GNG4: variants seen among roughly 807,000 people sequenced by gnomAD.
GNG4 encodes guanine nucleotide-binding protein G(I)/G(S)/G(O) subunit gamma-4.
A neutral mutation model predicts 5.8 loss-of-function variants in GNG4; 4 were observed. That is an observed-to-expected ratio of 0.69 (90% CI 0.34 to 1.57). The LOEUF is 1.57. Ranked by LOEUF, GNG4 falls within the 40% of genes most tolerant of loss-of-function variation. The pLI, the probability that GNG4 is intolerant of heterozygous loss-of-function variation, is 0.06. For synonymous variants in GNG4, 29 were observed against 32.9 expected, an observed-to-expected ratio of 0.88 and a Z score of 0.41; for missense variants, 96 against 95.1, an observed-to-expected ratio of 1.01 and a Z score of -0.04.
chr1:235,641,968 T>C (rs1439578122), intron 1 of GNG4, among the ~76,000 whole-genome samples: 3 of 152,252 alleles, frequency 2.0e-5, no homozygotes, highest in Non-Finnish European at 4.4e-5. Flanking sequence ...CTTCTTATCA[T>C]TGGTCTGATT....
At chr1:235,554,108 G>A (rs1686831055) in intron 3 of GNG4, among the ~76,000 whole-genome samples, 2 of 152,166 alleles carry the variant, frequency 1.3e-5, no homozygotes, top group South Asian at 4.1e-4. Flanking sequence ...ACAGGCTTAA[G>A]GAAATGGACT....
chr1:235,617,856 C>T (rs1224725454), intron 1 of GNG4, among the ~76,000 whole-genome samples: 1 of 150,184 alleles, frequency 6.7e-6, no homozygotes, highest in Admixed American at 6.7e-5. Context: ...CCGCACTCCA[C>T]CCTGGGCGAC....
At chr1:235,602,488 T>C (rs1688277252) in intron 1 of GNG4, among the ~76,000 whole-genome samples, 1 of 152,128 alleles carries the variant, frequency 6.6e-6, no homozygotes, top group African/African-American at 2.4e-5. Flanking sequence ...TGAAATACAT[T>C]TCCACACTCT....
Position 235,644,575 on chromosome 1 carries a change from A to C in GNG4, c.-123+5087T>G, listed in dbSNP as rs1657449848. ...CCCTAGTACCCTGCCATGCAGCCCC[A>C]CAGCTGCCGGGGGGATAAACAAGCA... On this transcript the variant is annotated intron_variant, in intron 1 of 3. Coordinates refer to ENST00000391854, the MANE Select transcript of GNG4 (RefSeq NM_001098722.2). The surrounding 1 kb of genome is among the most constrained non-coding windows in gnomAD (Gnocchi z 5.9). Among the ~76,000 whole-genome samples the C allele has an allele frequency of 6.6e-6, 1 of 152,178 alleles. No individual in the cohort carries two copies. The highest frequency in any genetic ancestry group is 1.5e-5 in the Non-Finnish European group (1 of 68,024).
intron 2 of GNG4, among the ~76,000 whole-genome samples, chr1:235,593,577 C>T (rs10926174): frequency 0.36 from 55,435 of 152,076 alleles, 10,994 homozygotes; most frequent in East Asian, 0.79. Flanking sequence ...GCTGCGGACC[C>T]GCGCCGTGAG....
At chr1:235,589,868 T>C (rs2102950067) in intron 2 of GNG4, among the ~76,000 whole-genome samples, 1 of 152,268 alleles carries the variant, frequency 6.6e-6, no homozygotes, top group South Asian at 2.1e-4. Context: ...TTCCTGATCC[T>C]TGAAATGAGA....
chr1:235,608,688 T>G (rs1688414137), intron 1 of GNG4, among the ~76,000 whole-genome samples: 1 of 51,142 alleles, frequency 2.0e-5, no homozygotes, highest in South Asian at 4.9e-4. Flanking sequence ...TTATTTTTTA[T>G]TTTTTTTTTT....
intron 1 of GNG4, among the ~76,000 whole-genome samples, chr1:235,618,376 C>G (rs1221933551): frequency 1.3e-5 from 2 of 152,204 alleles, no homozygotes; most frequent in African/African-American, 2.4e-5. Context: ...GACGGATATA[C>G]TTGTCTGTAA....
At chr1:235,573,846 T>C (rs185301288) in intron 3 of GNG4, among the ~76,000 whole-genome samples, 1 of 152,246 alleles carries the variant, frequency 6.6e-6, no homozygotes, top group East Asian at 1.9e-4. Flanking sequence ...AGGAGACTGG[T>C]TAATTATTGT....
Position 235,550,379 on chromosome 1 carries a change from G to A in GNG4, c.*1730C>T, listed in dbSNP as rs1686710884. On this transcript the variant is annotated 3_prime_UTR_variant, in exon 4 of 4. Coordinates refer to ENST00000391854, the MANE Select transcript of GNG4 (RefSeq NM_001098722.2). ...ACCTGCAAACAGGTAGACCTGGAAG[G>A]TAGCACAGTTCAGGGGGCTAAGGGA... The A allele has an allele frequency of 1.3e-5, 2 of 152,310 alleles. No individual in the cohort carries two copies. Among genetic ancestry groups the A allele is most frequent in the Non-Finnish European group, 2.9e-5 (2 of 68,090 alleles). 9.4% of individuals were successfully genotyped at this position (152,310 alleles called of 1,614,324 possible).
chr1:235,574,815 A>G (rs760028515), intron 3 of GNG4, among the ~76,000 whole-genome samples: 1 of 151,922 alleles, frequency 6.6e-6, no homozygotes, highest in East Asian at 1.9e-4. Context: ...ATCTGTCACG[A>G]CACAATCCTT....
intron 1 of GNG4, among the ~76,000 whole-genome samples, chr1:235,625,299 G>A (rs1028564163): frequency 6.6e-6 from 1 of 152,146 alleles, no homozygotes; most frequent in Non-Finnish European, 1.5e-5. Context: ...GCAGTTTTAG[G>A]TTCATAGCAA....
At chr1:235,576,435 T>A (rs568598288) in intron 3 of GNG4, among the ~76,000 whole-genome samples, 3 of 152,332 alleles carry the variant, frequency 2.0e-5, no homozygotes, top group East Asian at 3.9e-4. Flanking sequence ...AAGGCTATGA[T>A]GGTATTCTTT....
chr1:235,611,885 C>G (rs572347401), intron 1 of GNG4, among the ~76,000 whole-genome samples: 1 of 151,698 alleles, frequency 6.6e-6, no homozygotes, highest in Non-Finnish European at 1.5e-5. Context: ...CAACATAGTA[C>G]GACCTCATCT....
chr1:235,618,398 A>G (rs1688640275), intron 1 of GNG4, among the ~76,000 whole-genome samples: 2 of 152,252 alleles, frequency 1.3e-5, no homozygotes, highest in Admixed American at 1.3e-4. Flanking sequence ...ACCGTGGGCC[A>G]GCCTCAGGCA....
intron 1 of GNG4, among the ~76,000 whole-genome samples, chr1:235,601,399 T>C (rs1296748348): frequency 2.6e-5 from 4 of 152,198 alleles, no homozygotes; most frequent in Non-Finnish European, 1.5e-5. Context: ...TCCATGAATA[T>C]TCTTATGAGG....
upstream of GNG4, among the ~76,000 whole-genome samples, chr1:235,650,250 G>C (rs1235860322): frequency 2.4e-4 from 5 of 20,960 alleles, no homozygotes; most frequent in East Asian, 0.01. Flanking sequence ...GGGGCCGGGG[G>C]GTAAATCACT....
intron 1 of GNG4, among the ~76,000 whole-genome samples, chr1:235,638,355 T>C (rs918949016): frequency 6.6e-6 from 1 of 152,184 alleles, no homozygotes; most frequent in East Asian, 1.9e-4. Context: ...AAGTCTGAAA[T>C]GGGTCTCGAT....
chr1:235,647,036 A>G (rs6677212), intron 1 of GNG4, among the ~76,000 whole-genome samples: 35,604 of 152,132 alleles, frequency 0.23, 4,262 homozygotes, highest in South Asian at 0.31. Flanking sequence ...TTACCCTGCA[A>G]TCTCCTTTTC....
Sources: allele counts gnomAD v4.1 joint callset (sites outside exome capture counted in the v4.1 genomes callset), GRCh38; gene constraint gnomAD v4.1.1; non-coding constraint Gnocchi (gnomAD v3.1); transcripts MANE v1.5; gene names NCBI Gene and HGNC (gene_info 2026-07-23, HGNC 2026-07-21).